The following RXRA variants were observed in gnomAD, a reference collection of about 807,000 sequenced individuals.
RXRA encodes the protein retinoid X receptor alpha.
RXRA carries 5 observed loss-of-function variants against 44.5 expected under a neutral mutation model. The observed-to-expected ratio is 0.11, with a 90% CI of 0.06 to 0.24. The LOEUF is 0.24. RXRA is among the 10% of genes least tolerant of loss of function. The pLI is 1.00. For synonymous variants in RXRA, 291 were observed against 271.4 expected, an observed-to-expected ratio of 1.07 and a Z score of -0.71; for missense variants, 412 against 646.5, an observed-to-expected ratio of 0.64 and a Z score of 3.93.
At chr9:134,369,877 C>T (rs1315641859) in intron 1 of RXRA, among the ~76,000 whole-genome samples, 3 of 152,112 alleles carry the variant, frequency 2.0e-5, no homozygotes, top group Non-Finnish European at 1.5e-5. Flanking sequence ...TCCATTTACA[C>T]AGTCCCGTGT....
chr9:134,346,496 C>A (rs1830153839), intron 1 of RXRA, among the ~76,000 whole-genome samples: 1 of 152,178 alleles, frequency 6.6e-6, no homozygotes, highest in Non-Finnish European at 1.5e-5. Flanking sequence ...CTCACCAGGT[C>A]CTGCCAGTGG....
chr9:134,359,832 C>T (rs541431667), intron 1 of RXRA, among the ~76,000 whole-genome samples: 41 of 152,290 alleles, frequency 2.7e-4, no homozygotes, highest in Non-Finnish European at 4.1e-4. Context: ...GGTCCCAGCC[C>T]GTTTCCCCCA....
At chr9:134,331,446 G>C (rs1835004293) in intron 1 of RXRA, among the ~76,000 whole-genome samples, 1 of 152,230 alleles carries the variant, frequency 6.6e-6, no homozygotes, top group African/African-American at 2.4e-5. Flanking sequence ...CACACACACA[G>C]AGTCACAGGC....
chr9:134,368,593 T>C (rs906036713), intron 1 of RXRA, among the ~76,000 whole-genome samples: 2 of 151,586 alleles, frequency 1.3e-5, no homozygotes, highest in African/African-American at 4.9e-5. Flanking sequence ...TGACTGTAGG[T>C]GACTGTGAGT....
chr9:134,333,077 T>C (rs55804378), intron 1 of RXRA, among the ~76,000 whole-genome samples: 58,415 of 151,832 alleles, frequency 0.38, 12,686 homozygotes, highest in African/African-American at 0.59. Flanking sequence ...CCAGGGGGAG[T>C]AGAGCAGCCG....
At chr9:134,347,332 C>T (rs1478981558) in intron 1 of RXRA, among the ~76,000 whole-genome samples, 3 of 152,350 alleles carry the variant, frequency 2.0e-5, no homozygotes, top group Non-Finnish European at 2.9e-5. Context: ...ACGCGCCCTG[C>T]CGCGGTGTTG....
intron 1 of RXRA, among the ~76,000 whole-genome samples, chr9:134,338,717 C>T (rs1554747678): frequency 6.6e-6 from 1 of 152,206 alleles, no homozygotes. Flanking sequence ...CAGCTGGTGC[C>T]CCTCTCCCTG....
Position 134,349,341 on chromosome 9 carries a change from C to T in RXRA, c.28+22682C>T, listed in dbSNP as rs1454131617. ...GTGGGCCTGTTGGGCCGGGGCGCCTCGGCCTGGTGGAGGGCTTCGCCGAGC... is the reference window on the plus strand; with the variant it reads ...GTGGGCCTGTTGGGCCGGGGCGCCTTGGCCTGGTGGAGGGCTTCGCCGAGC... On this transcript the variant is annotated intron_variant, in intron 1 of 9. Coordinates refer to ENST00000481739, the MANE Select transcript of RXRA (RefSeq NM_002957.6). The surrounding 1 kb of genome is among the most constrained non-coding windows in gnomAD (Gnocchi z 4.3). 4.6e-5 allele frequency among the ~76,000 whole-genome samples: 7 copies of T among 152,162 alleles called. No individual in the cohort carries two copies. The highest frequency in any genetic ancestry group is 1.2e-4 in the African/African-American group (5 of 41,452).
intron 1 of RXRA, among the ~76,000 whole-genome samples, chr9:134,376,817 G>A (rs952118013): frequency 6.6e-6 from 1 of 152,238 alleles, no homozygotes; most frequent in African/African-American, 2.4e-5. Context: ...GATCTGGCTG[G>A]GCCTGCAGGC....
chr9:134,348,751 T>C (rs1830185239), intron 1 of RXRA, among the ~76,000 whole-genome samples: 1 of 152,222 alleles, frequency 6.6e-6, no homozygotes, highest in Non-Finnish European at 1.5e-5. Context: ...GTGTCCGCCA[T>C]GTGCTGCCTC....
intron 1 of RXRA, among the ~76,000 whole-genome samples, chr9:134,362,382 C>T (rs867817378): frequency 4.6e-5 from 7 of 152,354 alleles, no homozygotes; most frequent in Admixed American, 1.3e-4. Flanking sequence ...AGGCCCGCCT[C>T]GCTGGGTGCC....
At chr9:134,432,443 T>C (rs953008290) in intron 8 of RXRA, among the ~76,000 whole-genome samples, 1 of 151,890 alleles carries the variant, frequency 6.6e-6, no homozygotes, top group Non-Finnish European at 1.5e-5. Flanking sequence ...GGGTCCAGGG[T>C]GTTTCTGGGG....
intron 1 of RXRA, among the ~76,000 whole-genome samples, chr9:134,383,418 C>G (rs1239593899): frequency 6.6e-6 from 1 of 152,136 alleles, no homozygotes; most frequent in Non-Finnish European, 1.5e-5. Context: ...GCCCTGCAGT[C>G]TTGGACCTTG....
At chr9:134,351,275 G>A (rs1242536446) in intron 1 of RXRA, among the ~76,000 whole-genome samples, 1 of 152,222 alleles carries the variant, frequency 6.6e-6, no homozygotes, top group Non-Finnish European at 1.5e-5. Context: ...TGGCCCTGTG[G>A]GCTGCAGCGT....
intron 6 of RXRA, among the ~76,000 whole-genome samples, chr9:134,427,358 C>T (rs910217146): frequency 5.9e-5 from 9 of 152,172 alleles, no homozygotes; most frequent in African/African-American, 2.2e-4. Context: ...CTGCCTGCTG[C>T]CACCTGGCAG....
At chr9:134,361,296 A>C (rs1830348397) in intron 1 of RXRA, among the ~76,000 whole-genome samples, 2 of 152,156 alleles carry the variant, frequency 1.3e-5, no homozygotes, top group Non-Finnish European at 2.9e-5. Flanking sequence ...CCTCCCAGGA[A>C]GCACAGCCCT....
intron 1 of RXRA, among the ~76,000 whole-genome samples, chr9:134,396,134 G>T (rs1830875178): frequency 6.6e-6 from 1 of 152,212 alleles, no homozygotes; most frequent in Admixed American, 6.5e-5. Context: ...AGGCTAAGGG[G>T]TTGCCTAGGG....
chr9:134,364,149 C>A (rs529434564), intron 1 of RXRA, among the ~76,000 whole-genome samples: 1 of 152,302 alleles, frequency 6.6e-6, no homozygotes, highest in Non-Finnish European at 1.5e-5. Context: ...CTTTTCCCCC[C>A]AAATCTCCAG....
chr9:134,439,444 A>G lies in RXRA; in HGVS notation c.*2830A>G, dbSNP rs550842848. The G allele has an allele frequency of 6.6e-6, 1 of 152,244 alleles. No individual in the cohort carries two copies. The highest frequency in any genetic ancestry group is 1.5e-5 in the Non-Finnish European group (1 of 68,058). 9.4% of individuals were successfully genotyped at this position (152,244 alleles called of 1,614,324 possible). A position where few individuals can be genotyped will look rare whatever the true frequency, so the allele number is the denominator to read the frequency against. On this transcript the variant is annotated 3_prime_UTR_variant, in exon 10 of 10. Transcript: ENST00000481739. ...CATGCTTGGAAGCTGGCCTGCCAGG[A>G]CCTTCCACCCTGGGGCCTGTGTCAG...
Sources: gnomAD v4.1 joint callset for allele counts (sites outside exome capture counted in the v4.1 genomes callset) on GRCh38, gnomAD v4.1.1 for gene constraint, Gnocchi (gnomAD v3.1) non-coding constraint, MANE v1.5 for transcripts, NCBI Gene and HGNC (gene_info 2026-07-23, HGNC 2026-07-21) for gene names.